The following ATE1 variants were observed in gnomAD, a reference collection of about 807,000 sequenced individuals.
The protein encoded by ATE1 is arginyl-tRNA--protein transferase 1.
In ATE1, 36 loss-of-function variants were observed where a neutral mutation model predicts 70.5. That is an observed-to-expected ratio of 0.51 (90% CI 0.39 to 0.67). The LOEUF (loss-of-function observed/expected upper bound fraction) is 0.67, where lower values mean the gene tolerates loss of function less well. Among genes scored for constraint, ATE1 ranks in the 30% least tolerant of loss-of-function variants. The probability of loss-of-function intolerance (pLI) is 0.00; values close to 1 mark genes in which losing one functional copy is unlikely to be tolerated. For missense variants in ATE1, 593 were observed against 629.5 expected (o/e 0.94, Z 0.62); for synonymous variants, 232 against 219.3 (o/e 1.06, Z -0.51).
intron 11 of ATE1, among the ~76,000 whole-genome samples, chr10:121,745,051 G>A (rs573725635): frequency 6.6e-6 from 1 of 152,284 alleles, no homozygotes; most frequent in East Asian, 1.9e-4. Flanking sequence ...CTGGGCAACT[G>A]AGGACTTCAT....
intron 10 of ATE1, 83 bp from the exon 11 acceptor site, chr10:121,790,372 T>C: frequency 6.6e-7 from 1 of 1,518,074 alleles, no homozygotes. Context: ...CTAGGAAAGG[T>C]TTAAAGCAAA....
chr10:121,895,502 T>C (rs998640404), intron 7 of ATE1, among the ~76,000 whole-genome samples: 4 of 151,820 alleles, frequency 2.6e-5, no homozygotes, highest in African/African-American at 9.7e-5. Flanking sequence ...TAATCCCAGC[T>C]ACTCGGGAGG....
Position 121,926,052 on chromosome 10 carries a change from C to CA in ATE1, c.107-1724dup, listed in dbSNP as rs1440228227. On this transcript the variant is annotated intron_variant, in intron 1 of 11. Coordinates refer to ENST00000224652, the MANE Select transcript of ATE1 (RefSeq NM_001001976.3). ...TGAAACCCCGTCTCTACTAAAAATACAAAAAAATTAGCCGGCCGTGGTGGC... is the reference window on the plus strand; with the variant it reads ...TGAAACCCCGTCTCTACTAAAAATACAAAAAAAATTAGCCGGCCGTGGTGGC... 1.2e-4 allele frequency among the ~76,000 whole-genome samples: 18 copies of CA among 151,852 alleles called. No homozygotes were observed. The East Asian group carries it at 3.5e-3, about 29-fold the overall frequency.
At chr10:121,868,074 A>T (rs1490775598) in intron 8 of ATE1, among the ~76,000 whole-genome samples, 2 of 152,212 alleles carry the variant, frequency 1.3e-5, no homozygotes, top group African/African-American at 4.8e-5. Flanking sequence ...TGAAGTTTAT[A>T]AACATCCCAT....
At chr10:121,863,881 T>G in intron 8 of ATE1, among the ~76,000 whole-genome samples, 1 of 152,244 alleles carries the variant, frequency 6.6e-6, no homozygotes, top group East Asian at 1.9e-4. Flanking sequence ...CCTGAGTTGC[T>G]AGGATTACAG....
At chr10:121,880,528 T>C (rs928746212) in intron 7 of ATE1, among the ~76,000 whole-genome samples, 7 of 151,312 alleles carry the variant, frequency 4.6e-5, no homozygotes, top group African/African-American at 1.7e-4. Flanking sequence ...TTGAGCTATT[T>C]CTGGAATAAA....
rs776899937 is a variant in ATE1, at chr10:121,927,845, A to C, written c.105T>G (p.Asn35Lys). 2 of 1,571,574 alleles carry C rather than the reference A, an allele frequency of 1.3e-6. No individual in the cohort carries two copies. The highest frequency in any genetic ancestry group is 8.6e-7 in the Non-Finnish European group (1 of 1,161,484). ...YCKNESGSRS[N>K]GMWAHSMTVQ... ...CGCCCGCCGGCCCGGCTCGCTCACC[A>C]TTGGAGCGGCTGCCCGACTCGTTCT... Residue 35 changes from asparagine (N) to lysine (K), a missense_variant and splice_region_variant, in exon 1 of 12, where the codon AAT becomes AAG. This residue lies in a region of ATE1 where 467 missense variants were observed against 469.6 expected (regional missense o/e 0.99). Transcript: ENST00000224652.
intron 7 of ATE1, among the ~76,000 whole-genome samples, chr10:121,871,372 T>C (rs1287621207): frequency 6.6e-6 from 1 of 152,096 alleles, no homozygotes; most frequent in African/African-American, 2.4e-5. Context: ...GGCAGGAGAA[T>C]TGCTGGAACC....
Position 121,911,555 on chromosome 10 carries a change from A to C in ATE1, c.338-404T>G, listed in dbSNP as rs7074344. 2.6e-5 allele frequency among the ~76,000 whole-genome samples: 4 copies of C among 152,100 alleles called. No homozygotes were observed. In the South Asian group the frequency reaches 8.3e-4, roughly 32 times the overall value. ...CAACAGAACATAACACAACTGATACATCCAATTATGCCTCACTAGTTTTAA... is the reference window on the plus strand; with the variant it reads ...CAACAGAACATAACACAACTGATACCTCCAATTATGCCTCACTAGTTTTAA... On this transcript the variant is annotated intron_variant, in intron 4 of 11. Coordinates refer to ENST00000224652, the MANE Select transcript of ATE1 (RefSeq NM_001001976.3).
chr10:121,898,690 A>C, intron 7 of ATE1: 1 of 874,648 alleles, frequency 1.1e-6, no homozygotes, highest in Non-Finnish European at 1.7e-6. Flanking sequence ...TAAGGATTTA[A>C]AATGCTCACA....
At chr10:121,825,301 T>C (rs1947963262) in intron 10 of ATE1, among the ~76,000 whole-genome samples, 1 of 152,188 alleles carries the variant, frequency 6.6e-6, no homozygotes, top group African/African-American at 2.4e-5. Flanking sequence ...TTTCCAACAA[T>C]ACAGGTTACA....
intron 10 of ATE1, among the ~76,000 whole-genome samples, chr10:121,819,657 G>A (rs1202350675): frequency 9.2e-6 from 1 of 109,170 alleles, no homozygotes; most frequent in Non-Finnish European, 1.7e-5. Context: ...CAGTGAGCCT[G>A]GGTGACAGAG....
intron 10 of ATE1, among the ~76,000 whole-genome samples, chr10:121,813,373 T>G (rs1947404516): frequency 6.6e-6 from 1 of 152,212 alleles, no homozygotes. Flanking sequence ...TTCATTTATT[T>G]GCGGTCAAGT....
At chr10:121,745,675 C>T (rs1470432373) in intron 11 of ATE1, among the ~76,000 whole-genome samples, 2 of 152,140 alleles carry the variant, frequency 1.3e-5, no homozygotes, top group Non-Finnish European at 1.5e-5. Flanking sequence ...TGCAGTGAGC[C>T]GAGATGGCAT....
intron 7 of ATE1, among the ~76,000 whole-genome samples, chr10:121,890,357 T>C (rs968030037): frequency 5.9e-5 from 9 of 152,184 alleles, no homozygotes; most frequent in African/African-American, 1.9e-4. Flanking sequence ...GCACATCTCA[T>C]TGTTTGAACA....
chr10:121,849,013 C>T (rs1948953274), intron 8 of ATE1, among the ~76,000 whole-genome samples: 1 of 151,988 alleles, frequency 6.6e-6, no homozygotes, highest in African/African-American at 2.4e-5. Flanking sequence ...GAGTTGAAGA[C>T]CAGCCTGGCC....
chr10:121,862,298 C>T (rs963227311), intron 8 of ATE1, among the ~76,000 whole-genome samples: 2 of 152,058 alleles, frequency 1.3e-5, no homozygotes, highest in Admixed American at 6.5e-5. Context: ...TGAATTCTAG[C>T]CATTGGAGAG....
In ATE1 at chr10:121,863,402, C is replaced by T. The variant is rs375033844; in HGVS notation, c.975+6604G>A. Among the ~76,000 whole-genome samples, 471 of 151,294 alleles carry T rather than the reference C, an allele frequency of 3.1e-3. 4 individuals carry two copies. The highest frequency in any genetic ancestry group is 0.011 in the African/African-American group (439 of 41,248). On this transcript the variant is annotated intron_variant, in intron 8 of 11. Transcript: ENST00000224652. ...CCGAGTAGCTGGGATTACAGGCGCC[C>T]GCCACCACACCGGCTAATTTTTGTA...
intron 5 of ATE1, 31 bp from the exon 6 acceptor site, chr10:121,902,651 C>A: frequency 6.4e-7 from 1 of 1,551,802 alleles, no homozygotes; most frequent in Non-Finnish European, 8.7e-7. Flanking sequence ...TTAGACCAAT[C>A]ACATTTGGTT....
Sources: allele counts gnomAD v4.1 joint callset (sites outside exome capture counted in the v4.1 genomes callset), GRCh38; gene constraint gnomAD v4.1.1; regional missense constraint gnomAD v4.1.1; transcripts MANE v1.5; gene names NCBI Gene and HGNC (gene_info 2026-07-23, HGNC 2026-07-21).